Variants in XKR4 observed in about 807,000 individuals in gnomAD.
XKR4 encodes XK-related protein 4.
A neutral mutation model predicts 53.9 loss-of-function variants in XKR4; 12 were observed. The observed-to-expected ratio is 0.22, with a 90% CI of 0.14 to 0.36. The LOEUF (loss-of-function observed/expected upper bound fraction) is 0.36. Among genes scored for constraint, XKR4 ranks in the 10% least tolerant of loss-of-function variants. XKR4 has a pLI of 1.00. For missense variants in XKR4, 799 were observed against 859.5 expected (o/e 0.93, Z 0.88); for synonymous variants, 354 against 362.4 (o/e 0.98, Z 0.26).
At chr8:55,494,727 C>G (rs978485126) in intron 2 of XKR4, among the ~76,000 whole-genome samples, 1 of 152,194 alleles carries the variant, frequency 6.6e-6, no homozygotes, top group African/African-American at 2.4e-5. Context: ...TCTGTCCTTT[C>G]TCCATCCTCT....
At chr8:55,291,625 G>A (rs1819021350) in intron 1 of XKR4, among the ~76,000 whole-genome samples, 1 of 152,146 alleles carries the variant, frequency 6.6e-6, no homozygotes, top group Admixed American at 6.5e-5. Context: ...GACTGTAAGA[G>A]GTAATAATGT....
intron 1 of XKR4, among the ~76,000 whole-genome samples, chr8:55,263,179 G>T (rs12543105): frequency 0.015 from 2,250 of 152,248 alleles, 46 homozygotes; most frequent in East Asian, 0.041. Context: ...AACTAGAAAT[G>T]ACTTATGTTA....
chr8:55,356,756 T>C (rs567080170), intron 1 of XKR4, among the ~76,000 whole-genome samples: 7 of 152,324 alleles, frequency 4.6e-5, no homozygotes, highest in African/African-American at 1.7e-4. Context: ...ATAACTCCAG[T>C]TGACCCTTGA....
chr8:55,451,558 T>A (rs576155934), intron 2 of XKR4: 1 of 1,109,538 alleles, frequency 9.0e-7, no homozygotes, highest in East Asian at 2.5e-5. Context: ...GCCCCCAGAA[T>A]GCAGCAGTAC....
intron 2 of XKR4, among the ~76,000 whole-genome samples, chr8:55,460,985 G>T (rs1426667178): frequency 6.6e-6 from 1 of 152,244 alleles, no homozygotes; most frequent in African/African-American, 2.4e-5. Context: ...TGGCCTGGAA[G>T]CTTGAACTGG....
intron 2 of XKR4, among the ~76,000 whole-genome samples, chr8:55,441,693 A>T (rs190419558): frequency 9.2e-5 from 14 of 152,276 alleles, no homozygotes; most frequent in Non-Finnish European, 1.2e-4. Flanking sequence ...TAAATTAATT[A>T]AAAAAATATA....
chr8:55,224,906 C>G (rs555276325), intron 1 of XKR4, among the ~76,000 whole-genome samples: 64 of 152,186 alleles, frequency 4.2e-4, no homozygotes, highest in African/African-American at 1.5e-3. Context: ...TTCAGAAGCA[C>G]TAAAGGGGTT....
intron 1 of XKR4, among the ~76,000 whole-genome samples, chr8:55,352,999 T>C (rs1803747439): frequency 6.6e-6 from 1 of 152,036 alleles, no homozygotes; most frequent in African/African-American, 2.4e-5. Context: ...TCTAACAAGG[T>C]GTTTTGAATA....
At chr8:55,452,439 C>G (rs1194207538) in intron 2 of XKR4, 10 of 624,630 alleles carry the variant, frequency 1.6e-5, no homozygotes, top group Non-Finnish European at 2.9e-5. Flanking sequence ...CCACCCCGCA[C>G]TGCCCGCCCT....
chr8:55,393,787 G>T (rs1456139579), intron 2 of XKR4, among the ~76,000 whole-genome samples: 1 of 152,146 alleles, frequency 6.6e-6, no homozygotes, highest in Non-Finnish European at 1.5e-5. Context: ...CCCTTTTAAA[G>T]ACATTGAGTC....
At chr8:55,115,425 A>G (rs1247669143) in intron 1 of XKR4, among the ~76,000 whole-genome samples, 3 of 151,464 alleles carry the variant, frequency 2.0e-5, no homozygotes, top group Non-Finnish European at 2.9e-5. Context: ...CTTATAGACA[A>G]TGCTTTAAGC....
rs796264972 is a variant in XKR4 at position 55,476,613 on chromosome 8, G to C, written c.1007-46668G>C. ...CGAGGCATTGCCTCACTCAGGAAGT[G>C]CAAGGGGTCAGGGAGTTCCCTTTCC... is the stretch of plus-strand genomic sequence containing the variant. On this transcript the variant is annotated intron_variant, in intron 2 of 2. Coordinates refer to ENST00000327381, the MANE Select transcript of XKR4 (RefSeq NM_052898.2). 1.0e-3 allele frequency among the ~76,000 whole-genome samples: 155 copies of C among 152,206 alleles called. 2 individuals are homozygous for C. The highest frequency in any genetic ancestry group is 3.4e-3 in the African/African-American group (139 of 41,480).
chr8:55,292,869 C>A (rs945200062), intron 1 of XKR4, among the ~76,000 whole-genome samples: 1 of 151,840 alleles, frequency 6.6e-6, no homozygotes, highest in Non-Finnish European at 1.5e-5. Flanking sequence ...TTTTTAATTT[C>A]TTTTGAAACT....
intron 1 of XKR4, among the ~76,000 whole-genome samples, chr8:55,333,869 AG>A (rs371812733): frequency 3.3e-5 from 5 of 152,178 alleles, no homozygotes; most frequent in African/African-American, 1.2e-4. Flanking sequence ...GATGGGGCAA[AG>A]GTGAGTAAAA....
At chr8:55,402,283 G>T (rs1432885515) in intron 2 of XKR4, among the ~76,000 whole-genome samples, 1 of 152,238 alleles carries the variant, frequency 6.6e-6, no homozygotes, top group Admixed American at 6.5e-5. Flanking sequence ...GAACTGCTCT[G>T]TGCTGAGCCC....
chr8:55,527,043 CAA>C lies in XKR4; in HGVS notation c.*2817_*2818del, dbSNP rs1214104348. 1.3e-5 allele frequency: 2 copies of C among 152,128 alleles called. No homozygotes were observed. Among genetic ancestry groups the C allele is most frequent in the Admixed American group, 6.5e-5 (1 of 15,268 alleles). The allele number at this position is 152,128 out of a possible 1,614,324, so 9.4% of individuals were successfully genotyped here. On this transcript the variant is annotated 3_prime_UTR_variant, in exon 3 of 3. Coordinates refer to ENST00000327381, the MANE Select transcript of XKR4 (RefSeq NM_052898.2). Reference sequence around the variant, plus strand: ...CTTTCAAAAGATTACAAGAGCAAAACAAGAGATAAATCATGATTTAGCCTTGC... The same window carrying C: ...CTTTCAAAAGATTACAAGAGCAAAACGAGATAAATCATGATTTAGCCTTGC...
chr8:55,161,016 G>C (rs78378330), intron 1 of XKR4, among the ~76,000 whole-genome samples: 4,619 of 152,274 alleles, frequency 0.03, 179 homozygotes, highest in East Asian at 0.12. Flanking sequence ...GGTGATTGTT[G>C]AGTAGGTGTG....
chr8:55,186,540 C>T (rs1007556125), intron 1 of XKR4, among the ~76,000 whole-genome samples: 13 of 152,116 alleles, frequency 8.5e-5, no homozygotes, highest in Admixed American at 5.2e-4. Flanking sequence ...CTTGTAGCCC[C>T]AGCTACTCAG....
intron 1 of XKR4, among the ~76,000 whole-genome samples, chr8:55,216,174 T>G (rs1429922442): frequency 1.3e-5 from 2 of 152,236 alleles, no homozygotes; most frequent in Non-Finnish European, 2.9e-5. Flanking sequence ...ATCAATTCTC[T>G]ACAAATTGAT....
Sources: allele counts gnomAD v4.1 joint callset (sites outside exome capture counted in the v4.1 genomes callset), GRCh38; gene constraint gnomAD v4.1.1; transcripts MANE v1.5; gene names NCBI Gene and HGNC (gene_info 2026-07-23, HGNC 2026-07-21).